Variants in RORA observed in about 807,000 individuals in gnomAD.
RORA encodes RAR related orphan receptor A, also known as nuclear receptor ROR-alpha.
A neutral mutation model predicts 69.5 loss-of-function variants in RORA; 7 were observed. The ratio of observed to expected loss-of-function variants is 0.10; its 90% CI spans 0.06 to 0.19. RORA has a LOEUF of 0.19. RORA is among the 10% of genes least tolerant of loss of function. The probability of loss-of-function intolerance (pLI) is 1.00; values close to 1 mark genes in which losing one functional copy is unlikely to be tolerated. For missense variants in RORA, 457 were observed against 663.0 expected, an observed-to-expected ratio of 0.69 and a Z score of 3.41; for synonymous variants, 261 against 240.8, an observed-to-expected ratio of 1.08 and a Z score of -0.78.
chr15:60,932,099 C>T (rs1313920686), intron 1 of RORA, among the ~76,000 whole-genome samples: 1 of 151,898 alleles, frequency 6.6e-6, no homozygotes, highest in Admixed American at 6.6e-5. Flanking sequence ...GAATAACAAG[C>T]AGTATCAATG....
At chr15:60,739,933 G>T (rs2140847754) in intron 1 of RORA, among the ~76,000 whole-genome samples, 1 of 152,102 alleles carries the variant, frequency 6.6e-6, no homozygotes, top group South Asian at 2.1e-4. Context: ...CTTGCCCCTG[G>T]GTCTTAACTG....
At chr15:60,680,465 A>G (rs1051244347) in intron 1 of RORA, among the ~76,000 whole-genome samples, 4 of 151,956 alleles carry the variant, frequency 2.6e-5, no homozygotes, top group East Asian at 3.9e-4. Context: ...TGACGATTAC[A>G]TTGATAATAG....
intron 1 of RORA, among the ~76,000 whole-genome samples, chr15:61,144,193 C>T (rs1300007255): frequency 6.6e-6 from 1 of 152,120 alleles, no homozygotes; most frequent in East Asian, 1.9e-4. Context: ...AGGATCAACA[C>T]CCACAGAGGA....
intron 1 of RORA, among the ~76,000 whole-genome samples, chr15:60,732,051 C>A (rs902107111): frequency 5.3e-5 from 8 of 152,136 alleles, no homozygotes; most frequent in African/African-American, 1.7e-4. Flanking sequence ...TCATCTAAAT[C>A]AACTGTGCTA....
At chr15:60,591,430 G>C (rs1201891708) in intron 2 of RORA, among the ~76,000 whole-genome samples, 2 of 152,206 alleles carry the variant, frequency 1.3e-5, no homozygotes, top group African/African-American at 4.8e-5. Context: ...TTTCCCATCA[G>C]AAAGTTCCCT....
At chr15:61,084,200 CTGTT>C (rs757364835) in intron 1 of RORA, among the ~76,000 whole-genome samples, 1 of 152,208 alleles carries the variant, frequency 6.6e-6, no homozygotes, top group Non-Finnish European at 1.5e-5. Context: ...TTTCCTCTCT[CTGTT>C]TGAGAGTGCT....
chr15:61,075,151 C>T (rs948613249), intron 1 of RORA, among the ~76,000 whole-genome samples: 2 of 151,334 alleles, frequency 1.3e-5, no homozygotes, highest in African/African-American at 4.9e-5. Context: ...TGGACTACTA[C>T]TATTATTTGA....
intron 1 of RORA, among the ~76,000 whole-genome samples, chr15:61,022,020 G>C (rs547291877): frequency 1.3e-4 from 20 of 152,340 alleles, no homozygotes; most frequent in African/African-American, 4.8e-4. Context: ...AGGGAGCCTT[G>C]AAAGGCTGAC....
intron 1 of RORA, among the ~76,000 whole-genome samples, chr15:60,981,677 G>A (rs1387801184): frequency 6.6e-6 from 1 of 151,658 alleles, no homozygotes; most frequent in Non-Finnish European, 1.5e-5. Context: ...CTCTTTATTG[G>A]TATTCACTAT....
intron 1 of RORA, among the ~76,000 whole-genome samples, chr15:60,828,664 G>A (rs988733340): frequency 1.3e-5 from 2 of 152,176 alleles, no homozygotes; most frequent in Non-Finnish European, 2.9e-5. Context: ...GAAACCATAC[G>A]GGATATTTCT....
intron 1 of RORA, among the ~76,000 whole-genome samples, chr15:61,004,345 T>C (rs1203348990): frequency 6.6e-6 from 1 of 150,912 alleles, no homozygotes; most frequent in Non-Finnish European, 1.5e-5. Flanking sequence ...CATCCTATTA[T>C]AGAATTCTTT....
intron 1 of RORA, among the ~76,000 whole-genome samples, chr15:60,680,126 A>G (rs74800820): frequency 0.021 from 3,264 of 152,294 alleles, 59 homozygotes; most frequent in East Asian, 0.058. Context: ...TCTGAATACA[A>G]TTTGCAACTC....
intron 1 of RORA, among the ~76,000 whole-genome samples, chr15:60,857,586 A>C (rs1156446598): frequency 6.6e-6 from 1 of 152,026 alleles, no homozygotes; most frequent in Non-Finnish European, 1.5e-5. Flanking sequence ...AGCTGGCATC[A>C]AGACTCAGCC....
At chr15:60,628,291 C>T (rs1360722497) in intron 2 of RORA, among the ~76,000 whole-genome samples, 1 of 152,168 alleles carries the variant, frequency 6.6e-6, no homozygotes, top group Non-Finnish European at 1.5e-5. Flanking sequence ...GAGTACTGGT[C>T]AGCAGTGTTG....
intron 1 of RORA, among the ~76,000 whole-genome samples, chr15:61,194,559 T>C (rs1193951117): frequency 8.8e-6 from 1 of 114,102 alleles, no homozygotes; most frequent in African/African-American, 2.9e-5. Flanking sequence ...AAAAAAAAGC[T>C]GTAACACTTC....
At chr15:60,795,854 T>C (rs2072488659) in intron 1 of RORA, among the ~76,000 whole-genome samples, 1 of 152,148 alleles carries the variant, frequency 6.6e-6, no homozygotes, top group Non-Finnish European at 1.5e-5. Context: ...TAAGACAAAG[T>C]AATGTAATGG....
intron 1 of RORA, among the ~76,000 whole-genome samples, chr15:60,865,585 C>A (rs553035881): frequency 6.6e-6 from 1 of 152,194 alleles, no homozygotes; most frequent in Non-Finnish European, 1.5e-5. Context: ...TCTGTAGACA[C>A]ATGAAACTGA....
chr15:60,811,961 A>G (rs192411115), intron 1 of RORA, among the ~76,000 whole-genome samples: 4 of 152,308 alleles, frequency 2.6e-5, no homozygotes, highest in Admixed American at 2.6e-4. Flanking sequence ...TGAAATGGCA[A>G]AGTTTTCTAA....
At position 61,178,427 on chromosome 15, in the gene RORA, T is replaced by C. The variant is rs563364739; in HGVS notation, c.166+50626A>G. ...CATTTTAAATACATTGCCCTAAATA[T>C]TTGAAAATATAATCTGAAAGTGCTC... On this transcript the variant is annotated intron_variant, in intron 1 of 10. Transcript: ENST00000335670. 2.0e-5 allele frequency among the ~76,000 whole-genome samples: 3 copies of C among 152,236 alleles called. No individual in the cohort carries two copies. The East Asian group carries it at 5.8e-4, about 29-fold the overall frequency.
Sources: gnomAD v4.1 joint callset for allele counts (sites outside exome capture counted in the v4.1 genomes callset) on GRCh38, gnomAD v4.1.1 for gene constraint, MANE v1.5 for transcripts, NCBI Gene and HGNC (gene_info 2026-07-23, HGNC 2026-07-21) for gene names.